TTC1: variants seen among roughly 807,000 people sequenced by gnomAD.
The protein encoded by TTC1 is tetratricopeptide repeat protein 1.
In TTC1, 31 loss-of-function variants were observed where a neutral mutation model predicts 37.6. The observed-to-expected ratio is 0.82, with a 90% CI of 0.62 to 1.11. The LOEUF is 1.11. TTC1 is among the 50% of genes most tolerant of loss of function. The pLI is 0.00. For missense variants in TTC1, 351 were observed against 339.0 expected, an observed-to-expected ratio of 1.04 and a Z score of -0.28; for synonymous variants, 127 against 122.4, an observed-to-expected ratio of 1.04 and a Z score of -0.25.
At chr5:160,011,106 G>A (rs1756494972) in intron 2 of TTC1, among the ~76,000 whole-genome samples, 1 of 152,130 alleles carries the variant, frequency 6.6e-6, no homozygotes. Context: ...TTGTACTTCA[G>A]GAGTCTGTAA....
At chr5:160,018,738 T>C (rs1756649655) in intron 2 of TTC1, among the ~76,000 whole-genome samples, 1 of 152,182 alleles carries the variant, frequency 6.6e-6, no homozygotes, top group South Asian at 2.1e-4. Flanking sequence ...ATTCAGTTCT[T>C]ATACAGAGAA....
At chr5:160,035,748 G>T (rs1374233497) in intron 3 of TTC1, among the ~76,000 whole-genome samples, 2 of 152,210 alleles carry the variant, frequency 1.3e-5, no homozygotes, top group Middle Eastern at 3.4e-3. Context: ...TTCTACATTT[G>T]CTTAGAAATA....
At chr5:160,040,405 A>G (rs538023940) in intron 4 of TTC1, among the ~76,000 whole-genome samples, 1 of 152,268 alleles carries the variant, frequency 6.6e-6, no homozygotes, top group South Asian at 2.1e-4. Context: ...GACTTCATAA[A>G]TATCTTACAT....
chr5:160,015,072 A>G (rs969505536), intron 2 of TTC1, among the ~76,000 whole-genome samples: 4 of 152,152 alleles, frequency 2.6e-5, no homozygotes, highest in Non-Finnish European at 4.4e-5. Context: ...TGGCCTATCT[A>G]TAGCCTAAGG....
intron 4 of TTC1, 80 bp downstream of exon 4, chr5:160,036,883 A>G: frequency 1.0e-6 from 1 of 994,708 alleles, no homozygotes; most frequent in South Asian, 1.4e-5. Context: ...TCCAGAAACT[A>G]GCATAGAGGT....
intron 7 of TTC1, among the ~76,000 whole-genome samples, chr5:160,056,325 C>G (rs1757546434): frequency 6.6e-6 from 1 of 152,168 alleles, no homozygotes; most frequent in African/African-American, 2.4e-5. Context: ...GAACATATTC[C>G]TGGTGTCCTG....
intron 2 of TTC1, among the ~76,000 whole-genome samples, chr5:160,012,126 G>T (rs1756513958): frequency 6.6e-6 from 1 of 152,072 alleles, no homozygotes; most frequent in Admixed American, 6.6e-5. Flanking sequence ...ATTATAACAG[G>T]TTTCAGGCTT....
chr5:160,045,511 C>G (rs1372075323), intron 5 of TTC1, among the ~76,000 whole-genome samples: 1 of 62,692 alleles, frequency 1.6e-5, no homozygotes, highest in Non-Finnish European at 3.1e-5. Context: ...CACACACACA[C>G]ACATACACAC....
chr5:160,036,610 C>CA, intron 3 of TTC1, 81 bp from the exon 4 acceptor site: 1 of 945,738 alleles, frequency 1.1e-6, no homozygotes, highest in Non-Finnish European at 1.7e-6. Context: ...GAATGGAAAA[C>CA]AGTGCTTCTG....
intron 2 of TTC1, among the ~76,000 whole-genome samples, chr5:160,014,155 C>G (rs1206880929): frequency 6.6e-6 from 1 of 151,858 alleles, no homozygotes; most frequent in Non-Finnish European, 1.5e-5. Context: ...GAGTTCGACC[C>G]GAGACCAGCC....
chr5:160,065,453 G>C lies in TTC1; in HGVS notation c.*388G>C. On this transcript the variant is annotated 3_prime_UTR_variant, in exon 8 of 8. Coordinates refer to ENST00000231238, the MANE Select transcript of TTC1 (RefSeq NM_003314.3). ...CAGACATGATTGATGACGGGTTCCC[G>C]CCTGCTGTCCCCTCCCTGATCACAC... 2.2e-6 allele frequency: 1 copy of C among 460,022 alleles called. No homozygotes were observed. Among genetic ancestry groups the C allele is most frequent in the Non-Finnish European group, 4.3e-6 (1 of 230,574 alleles). The allele number at this position is 460,022 out of a possible 1,614,324, so 28.5% of individuals were successfully genotyped here. A position where few individuals can be genotyped will look rare whatever the true frequency, so the allele number is the denominator to read the frequency against.
intron 2 of TTC1, chr5:160,024,161 ACT>A: frequency 1.8e-6 from 1 of 565,594 alleles, no homozygotes; most frequent in Non-Finnish European, 3.2e-6. Context: ...ATGTTGAAAA[ACT>A]CTCATTACTG....
At position 160,035,340 on chromosome 5, in the gene TTC1, G is replaced by A. The variant is rs370899448; in HGVS notation, c.391+140G>A. On this transcript the variant is annotated intron_variant, in intron 3 of 7. Transcript: ENST00000231238. ...TACAGTGTTGCTTCCCAGTACCTTG[G>A]CATTTTGAGTTTTTAACCAGGCCAA... 37 of 586,472 alleles carry A rather than the reference G, an allele frequency of 6.3e-5. No individual in the cohort carries two copies. The South Asian group carries it at 2.1e-3, about 34-fold the overall frequency. 36.3% of individuals were successfully genotyped at this position (586,472 alleles called of 1,614,324 possible).
chr5:160,054,005 A>T (rs1757474947), intron 7 of TTC1, among the ~76,000 whole-genome samples: 1 of 152,202 alleles, frequency 6.6e-6, no homozygotes, highest in South Asian at 2.1e-4. Flanking sequence ...TGATCACAGA[A>T]GATGATCGTG....
At chr5:160,063,966 C>CTTTTTT (rs34967107) in intron 7 of TTC1, among the ~76,000 whole-genome samples, 5 of 106,652 alleles carry the variant, frequency 4.7e-5, no homozygotes, top group East Asian at 2.8e-4. Context: ...TAGACCATGA[C>CTTTTTT]TTTTTTTTTT....
chr5:160,037,372 G>A (rs1469053465), intron 4 of TTC1, among the ~76,000 whole-genome samples: 4 of 152,168 alleles, frequency 2.6e-5, no homozygotes, highest in African/African-American at 9.6e-5. Flanking sequence ...AGGTGAGTAT[G>A]GAATAGGTGA....
At chr5:160,025,758 T>TTTTGC (rs371006048) in intron 2 of TTC1, among the ~76,000 whole-genome samples, 47 of 152,322 alleles carry the variant, frequency 3.1e-4, no homozygotes, top group African/African-American at 9.4e-4. Flanking sequence ...TTTTGTTTTG[T>TTTTGC]TTTGCTTTGC....
In TTC1 at chr5:160,064,963, C is replaced by T. The variant is rs1007162258; in HGVS notation, c.777C>T (p.Leu259=). ...TAAAAGATCTTGGGAACTTGGTTCTCCGACCTTTTGGGCTCTCCACGGAAA... is the reference window on the plus strand; with the variant it reads ...TAAAAGATCTTGGGAACTTGGTTCTTCGACCTTTTGGGCTCTCCACGGAAA... ...GKLKDLGNLV[L]RPFGLSTENF... Residue 259 remains leucine, a synonymous_variant, in exon 8 of 8, where the codon CTC becomes CTT. Transcript: ENST00000231238. The T allele has an allele frequency of 5.0e-6, 8 of 1,613,694 alleles. No homozygotes were observed. The African/African-American group carries it at 8.0e-5, about 16-fold the overall frequency.
intron 7 of TTC1, 36 bp downstream of exon 7, chr5:160,051,219 G>C (rs761760092): frequency 6.4e-7 from 1 of 1,562,638 alleles, no homozygotes; most frequent in South Asian, 1.1e-5. Context: ...ATCATAAACA[G>C]CTAGGAACCT....
Sources: allele counts gnomAD v4.1 joint callset (sites outside exome capture counted in the v4.1 genomes callset), GRCh38; gene constraint gnomAD v4.1.1; transcripts MANE v1.5; gene names NCBI Gene and HGNC (gene_info 2026-07-23, HGNC 2026-07-21).